PROM1: variants seen among roughly 807,000 people sequenced by gnomAD.
The protein encoded by PROM1 is prominin 1, also known as prominin-1.
In PROM1, 105 loss-of-function variants were observed where a neutral mutation model predicts 116.9. The ratio of observed to expected loss-of-function variants is 0.90; its 90% CI spans 0.77 to 1.06. The LOEUF (loss-of-function observed/expected upper bound fraction) is 1.06, where lower values mean the gene tolerates loss of function less well. PROM1 is among the 50% of genes least tolerant of loss of function. The pLI is 0.00. For missense variants in PROM1, 1,122 were observed against 1,045.2 expected (o/e 1.07, Z -1.01); for synonymous variants, 393 against 387.0 (o/e 1.02, Z -0.18).
rs1340013236 is a variant in PROM1, at chr4:16,006,690, C to T, written c.1302G>A (p.Trp434Ter). Residue 434 changes from tryptophan to a stop codon, truncating the protein, a stop_gained and splice_region_variant, in exon 13 of 28, where the codon TGG (tryptophan) becomes TGA (stop). Coordinates refer to ENST00000447510, the MANE Select transcript of PROM1 (RefSeq NM_006017.3). LOFTEE classifies it high-confidence loss of function. The part of the protein sequence containing the change: ...LPTLEEYDSY[W>*]WLGGLVICSL... ...AGCAGATGACCAGGCCACCCAGCCA[C>T]CTGGAGAGGCAAGCACAGTGTTAGT... 4 of 1,612,566 alleles carry T rather than the reference C, an allele frequency of 2.5e-6. No individual in the cohort carries two copies. The highest frequency in any genetic ancestry group is 3.4e-6 in the Non-Finnish European group (4 of 1,179,522).
chr4:16,002,454 G>T (rs1724116733), intron 13 of PROM1, among the ~76,000 whole-genome samples: 1 of 152,190 alleles, frequency 6.6e-6, no homozygotes, highest in Admixed American at 6.5e-5. Context: ...CTAGGAAGGA[G>T]CCTCAGAAGG....
intron 26 of PROM1, among the ~76,000 whole-genome samples, chr4:15,973,601 A>G (rs549494855): frequency 2.0e-5 from 3 of 152,200 alleles, no homozygotes; most frequent in Non-Finnish European, 4.4e-5. Flanking sequence ...GGGTAATTTC[A>G]TATGAAAATC....
At chr4:15,998,332 T>C in intron 15 of PROM1, 53 bp downstream of exon 15, 1 of 1,480,398 alleles carries the variant, frequency 6.8e-7, no homozygotes, top group Non-Finnish European at 8.9e-7. Context: ...AAAATTCTCA[T>C]TCCAGAAAAA....
Position 16,076,053 on chromosome 4 carries a change from G to A in PROM1, c.-147C>T, listed in dbSNP as rs1743889643. The A allele has an allele frequency of 7.0e-7, 1 of 1,424,450 alleles. No homozygotes were observed. The highest frequency in any genetic ancestry group is 9.2e-7 in the Non-Finnish European group (1 of 1,086,530). The allele number at this position is 1,424,450 out of a possible 1,614,324, so 88.2% of individuals were successfully genotyped here. On this transcript the variant is annotated 5_prime_UTR_variant, in exon 2 of 28. Transcript: ENST00000447510. ...CTGAATCTTCAGTTTTCTGTCTGAG[G>A]CTGGCTTGAGGCGAGGGATGCGGAA...
At chr4:15,997,706 C>T (rs535165486) in intron 15 of PROM1, among the ~76,000 whole-genome samples, 8 of 152,132 alleles carry the variant, frequency 5.3e-5, no homozygotes, top group Non-Finnish European at 7.4e-5. Flanking sequence ...CTCAGGTGAT[C>T]CACCTGCCTC....
intron 26 of PROM1, chr4:15,976,244 T>C (rs1162989772): frequency 2.2e-6 from 1 of 453,744 alleles, no homozygotes; most frequent in East Asian, 6.9e-5. Context: ...AGAGTGGCAT[T>C]TCTCAACACC....
intron 26 of PROM1, chr4:15,971,920 A>G (rs1188072927): frequency 6.6e-6 from 1 of 152,220 alleles, no homozygotes; most frequent in Non-Finnish European, 1.5e-5. Context: ...TTCGGTAAAG[A>G]AACAAACTCT....
chr4:15,991,011 G>C (rs187113943), intron 18 of PROM1, among the ~76,000 whole-genome samples: 16 of 152,238 alleles, frequency 1.1e-4, no homozygotes, highest in Admixed American at 9.8e-4. Context: ...GCATCAACCC[G>C]ACACCATCCT....
intron 8 of PROM1, among the ~76,000 whole-genome samples, chr4:16,021,997 ACAT>A (rs1340249267): frequency 6.6e-6 from 1 of 152,110 alleles, no homozygotes; most frequent in Non-Finnish European, 1.5e-5. Context: ...AGAGGAAGGG[ACAT>A]CAGAGATGAG....
intron 10 of PROM1, among the ~76,000 whole-genome samples, chr4:16,015,261 G>A (rs1184805942): frequency 7.0e-6 from 1 of 143,428 alleles, no homozygotes; most frequent in Non-Finnish European, 1.5e-5. Flanking sequence ...CATGAGAATC[G>A]CTTGAACCTG....
chr4:16,081,238 G>A (rs753230445), intron 1 of PROM1, among the ~76,000 whole-genome samples: 17 of 151,782 alleles, frequency 1.1e-4, no homozygotes, highest in South Asian at 2.1e-4. Context: ...AACAGGCCCC[G>A]GTGTGTGATG....
At chr4:16,023,465 T>A (rs895153736) in intron 7 of PROM1, 50 bp from the exon 8 acceptor site, 4 of 1,383,014 alleles carry the variant, frequency 2.9e-6, no homozygotes, top group Non-Finnish European at 4.0e-6. Context: ...TGCTCATCTC[T>A]CCACCCCTCC....
chr4:16,080,435 T>C (rs1040502979), intron 1 of PROM1: 9 of 151,568 alleles, frequency 5.9e-5, no homozygotes, highest in African/African-American at 1.9e-4. Flanking sequence ...GGCAGGAGAA[T>C]CACTTGAACC....
intron 4 of PROM1, 35 bp downstream of exon 4, chr4:16,035,700 C>G (rs1174958912): frequency 3.8e-6 from 6 of 1,591,142 alleles, no homozygotes; most frequent in Non-Finnish European, 4.3e-6. Context: ...AAAGGCTTTC[C>G]AAGAGCAACT....
chr4:16,024,483 T>C, intron 6 of PROM1, 125 bp from the exon 7 acceptor site: 1 of 729,284 alleles, frequency 1.4e-6, no homozygotes, highest in Non-Finnish European at 2.2e-6. Context: ...AGCAAGTTCC[T>C]AGAAACCTTT....
chr4:16,038,051 G>A (rs998289777), intron 3 of PROM1: 2 of 152,134 alleles, frequency 1.3e-5, no homozygotes, highest in Non-Finnish European at 2.9e-5. Flanking sequence ...TCTGAAGCCT[G>A]GAATGTGAGA....
chr4:16,015,345 C>CAAAAAAAAA (rs71649934), intron 10 of PROM1, among the ~76,000 whole-genome samples: 7 of 51,538 alleles, frequency 1.4e-4, no homozygotes, highest in East Asian at 6.1e-4. Context: ...GACTCCATCT[C>CAAAAAAAAA]AAAAAAAAAA....
At chr4:15,982,120 T>C (rs1302185085) in intron 23 of PROM1, among the ~76,000 whole-genome samples, 2 of 152,332 alleles carry the variant, frequency 1.3e-5, no homozygotes, top group Non-Finnish European at 2.9e-5. Flanking sequence ...GCTATGTAAA[T>C]CTACAACCTG....
chr4:16,024,566 C>T (rs1180933186), intron 6 of PROM1, among the ~76,000 whole-genome samples: 4 of 152,136 alleles, frequency 2.6e-5, no homozygotes, highest in African/African-American at 4.8e-5. Context: ...CTTTTTAAAA[C>T]GATGTTCTGA....
Sources: allele counts gnomAD v4.1 joint callset (sites outside exome capture counted in the v4.1 genomes callset), GRCh38; gene constraint gnomAD v4.1.1; transcripts MANE v1.5; gene names NCBI Gene and HGNC (gene_info 2026-07-23, HGNC 2026-07-21).